The following NRXN3 variants were observed in gnomAD, a reference collection of about 807,000 sequenced individuals.
NRXN3 encodes neurexin 3.
In NRXN3, 32 loss-of-function variants were observed where a neutral mutation model predicts 137.6. That is an observed-to-expected ratio of 0.23 (90% CI 0.18 to 0.31). The LOEUF (loss-of-function observed/expected upper bound fraction) is 0.31. NRXN3 is among the 10% of genes least tolerant of loss of function. NRXN3 has a pLI of 1.00. For missense variants in NRXN3, 1,574 were observed against 2,062.5 expected (o/e 0.76, Z 4.59); for synonymous variants, 798 against 784.5 (o/e 1.02, Z -0.29).
Position 79,799,082 on chromosome 14 carries a change from A to G in NRXN3, c.4015-6030A>G, listed in dbSNP as rs539551421. On this transcript the variant is annotated intron_variant, in intron 19 of 20. Coordinates refer to ENST00000335750, the MANE Select transcript of NRXN3 (RefSeq NM_001330195.2). ...AATAAACAATGTTAGGAGGAAAAAA[A>G]GAACATAAATGCAATAAAAAATCTT... Among the ~76,000 whole-genome samples the G allele has an allele frequency of 3.9e-5, 6 of 152,310 alleles. No individual in the cohort carries two copies. The East Asian group carries it at 1.2e-3, about 29-fold the overall frequency.
At chr14:79,376,224 A>G (rs1465560697) in intron 15 of NRXN3, among the ~76,000 whole-genome samples, 406 of 19,714 alleles carry the variant, frequency 0.021, 7 homozygotes, top group Admixed American at 0.041. Context: ...GTATATATAT[A>G]TATATATATA....
chr14:79,748,168 C>T (rs946001253), intron 19 of NRXN3, among the ~76,000 whole-genome samples: 4 of 151,854 alleles, frequency 2.6e-5, no homozygotes, highest in African/African-American at 9.7e-5. Context: ...CAAACCTTCA[C>T]GTCCTGCACA....
chr14:79,501,746 A>G (rs1403610767), intron 16 of NRXN3, among the ~76,000 whole-genome samples: 1 of 42,698 alleles, frequency 2.3e-5, no homozygotes, highest in Non-Finnish European at 4.1e-5. Flanking sequence ...TCCCTCTAGG[A>G]AAAAAAAAAA....
intron 15 of NRXN3, chr14:79,246,763 A>G (rs554167583): frequency 1.3e-5 from 2 of 152,314 alleles, no homozygotes; most frequent in Admixed American, 6.5e-5. Context: ...AAGGTTAAAA[A>G]CTTTTTGAGA....
chr14:78,903,254 T>A (rs1171611766), intron 10 of NRXN3, among the ~76,000 whole-genome samples: 1 of 149,372 alleles, frequency 6.7e-6, no homozygotes, highest in Non-Finnish European at 1.5e-5. Flanking sequence ...GCTCAAGAGA[T>A]CCTCCCGCCT....
chr14:78,947,112 G>A (rs980899476), intron 10 of NRXN3, among the ~76,000 whole-genome samples: 1 of 152,126 alleles, frequency 6.6e-6, no homozygotes, highest in African/African-American at 2.4e-5. Flanking sequence ...GGCCTCCTGG[G>A]TCTTGCAGTT....
At chr14:78,311,489 T>C (rs1171915672) in intron 4 of NRXN3, among the ~76,000 whole-genome samples, 3 of 152,198 alleles carry the variant, frequency 2.0e-5, no homozygotes, top group Non-Finnish European at 2.9e-5. Context: ...TTGAATGCAA[T>C]CCAACACAAA....
intron 4 of NRXN3, among the ~76,000 whole-genome samples, chr14:78,486,097 T>A (rs1041243342): frequency 2.0e-5 from 3 of 152,210 alleles, no homozygotes; most frequent in Non-Finnish European, 2.9e-5. Flanking sequence ...TGAAACCATG[T>A]GGACAATTAT....
chr14:79,067,787 C>T (rs2099682652), intron 15 of NRXN3, among the ~76,000 whole-genome samples: 1 of 152,018 alleles, frequency 6.6e-6, no homozygotes, highest in South Asian at 2.1e-4. Flanking sequence ...CAAATAAGTT[C>T]ACAATGTCTA....
chr14:78,532,827 G>A (rs2153813266), intron 4 of NRXN3, among the ~76,000 whole-genome samples: 1 of 150,920 alleles, frequency 6.6e-6, no homozygotes, highest in Non-Finnish European at 1.5e-5. Flanking sequence ...AATGAATCAT[G>A]CCTAGGTCAA....
intron 15 of NRXN3, among the ~76,000 whole-genome samples, chr14:79,089,644 A>T (rs1228035162): frequency 4.0e-5 from 6 of 151,356 alleles, no homozygotes; most frequent in Non-Finnish European, 8.8e-5. Context: ...AACTTTTTCA[A>T]AAAATAACTC....
At chr14:79,391,134 C>A (rs534854748) in intron 15 of NRXN3, among the ~76,000 whole-genome samples, 12 of 151,864 alleles carry the variant, frequency 7.9e-5, no homozygotes, top group African/African-American at 2.9e-4. Context: ...GACTTAGTCA[C>A]CAACTAAATG....
intron 15 of NRXN3, among the ~76,000 whole-genome samples, chr14:79,037,508 G>T (rs1211015211): frequency 6.6e-6 from 1 of 152,150 alleles, no homozygotes; most frequent in East Asian, 1.9e-4. Flanking sequence ...TTAAAATCGG[G>T]GTGAAGCAAG....
At chr14:79,810,540 A>G (rs539141429) in intron 20 of NRXN3, among the ~76,000 whole-genome samples, 1 of 152,220 alleles carries the variant, frequency 6.6e-6, no homozygotes, top group Non-Finnish European at 1.5e-5. Flanking sequence ...GTATATTTTT[A>G]CTCCTCAAAT....
intron 16 of NRXN3, among the ~76,000 whole-genome samples, chr14:79,496,453 C>A (rs547457516): frequency 1.3e-5 from 2 of 152,168 alleles, no homozygotes; most frequent in Admixed American, 6.5e-5. Context: ...AGTGAAGTGC[C>A]CTCAGCAAGA....
intron 19 of NRXN3, among the ~76,000 whole-genome samples, chr14:79,765,410 A>G (rs923734693): frequency 2.0e-5 from 3 of 152,076 alleles, no homozygotes; most frequent in Non-Finnish European, 2.9e-5. Context: ...TCTACTCTTC[A>G]CTGAACATTT....
chr14:78,673,684 A>G (rs1304930546), intron 6 of NRXN3, among the ~76,000 whole-genome samples: 1 of 152,172 alleles, frequency 6.6e-6, no homozygotes, highest in Non-Finnish European at 1.5e-5. Context: ...GTATCCTCAC[A>G]TGGTGGAAAG....
chr14:78,219,179 C>G (rs755594621), intron 1 of NRXN3, among the ~76,000 whole-genome samples: 1 of 152,092 alleles, frequency 6.6e-6, no homozygotes, highest in Non-Finnish European at 1.5e-5. Context: ...AGTTCAGCCC[C>G]CAACAATTCC....
At chr14:78,314,147 C>T (rs996475341) in intron 4 of NRXN3, among the ~76,000 whole-genome samples, 5 of 152,036 alleles carry the variant, frequency 3.3e-5, no homozygotes, top group Non-Finnish European at 5.9e-5. Flanking sequence ...TAGTTTGTTT[C>T]CTATAATGTT....
Sources: gnomAD v4.1 joint callset for allele counts (sites outside exome capture counted in the v4.1 genomes callset) on GRCh38, gnomAD v4.1.1 for gene constraint, MANE v1.5 for transcripts, NCBI Gene and HGNC (gene_info 2026-07-23, HGNC 2026-07-21) for gene names.